The following THSD7B variants were observed in gnomAD, a reference collection of about 807,000 sequenced individuals.
THSD7B encodes thrombospondin type 1 domain containing 7B.
A neutral mutation model predicts 213.6 loss-of-function variants in THSD7B; 138 were observed. That is an observed-to-expected ratio of 0.65 (90% CI 0.56 to 0.74). The LOEUF is 0.74. Ranked by LOEUF, THSD7B falls within the 30% of genes least tolerant of loss-of-function variation. The pLI, the probability that THSD7B is intolerant of heterozygous loss-of-function variation, is 0.00. For synonymous variants in THSD7B, 742 were observed against 687.0 expected (o/e 1.08, Z -1.25); for missense variants, 1,931 against 1,991.5 (o/e 0.97, Z 0.58).
At chr2:136,984,461 C>T (rs1685637363) in intron 2 of THSD7B, among the ~76,000 whole-genome samples, 1 of 152,198 alleles carries the variant, frequency 6.6e-6, no homozygotes, top group African/African-American at 2.4e-5. Flanking sequence ...CTTGCTCCTG[C>T]TCTCACCATG....
intron 2 of THSD7B, among the ~76,000 whole-genome samples, chr2:136,888,944 G>GGT (rs5834520): frequency 0.12 from 8,981 of 72,774 alleles, 467 homozygotes; most frequent in African/African-American, 0.21. Flanking sequence ...TGTCTTTTGG[G>GGT]GTGTGTGTGT....
intron 1 of THSD7B, among the ~76,000 whole-genome samples, chr2:136,877,587 A>G (rs1335879532): frequency 6.6e-6 from 1 of 152,192 alleles, no homozygotes; most frequent in Non-Finnish European, 1.5e-5. Context: ...GCAGGCTGTC[A>G]GAGAGCTGTG....
intron 12 of THSD7B, among the ~76,000 whole-genome samples, chr2:137,385,720 T>C (rs1392512136): frequency 6.6e-6 from 1 of 152,150 alleles, no homozygotes; most frequent in African/African-American, 2.4e-5. Context: ...AGAATCAAGC[T>C]GGGAGTGAGA....
intron 5 of THSD7B, among the ~76,000 whole-genome samples, chr2:137,131,233 T>C (rs917141323): frequency 2.0e-5 from 3 of 150,616 alleles, no homozygotes; most frequent in Non-Finnish European, 4.4e-5. Flanking sequence ...GTTGTTTGTT[T>C]TTTTCTTGTA....
intron 10 of THSD7B, among the ~76,000 whole-genome samples, chr2:137,256,295 G>A (rs1682307611): frequency 6.6e-6 from 1 of 152,168 alleles, no homozygotes; most frequent in Middle Eastern, 3.2e-3. Flanking sequence ...TTATCACGGA[G>A]CACTTAAATA....
chr2:137,013,867 T>C (rs1269750123), intron 2 of THSD7B, among the ~76,000 whole-genome samples: 1 of 152,118 alleles, frequency 6.6e-6, no homozygotes, highest in Admixed American at 6.5e-5. Context: ...TCCCTTCGAG[T>C]AAGTGCTGAA....
At chr2:136,865,098 C>G (rs1683313314) in intron 1 of THSD7B, among the ~76,000 whole-genome samples, 1 of 152,168 alleles carries the variant, frequency 6.6e-6, no homozygotes. Context: ...GTCCAAATCC[C>G]CTTTACCTGG....
At chr2:137,036,853 A>G (rs1329451763) in intron 2 of THSD7B, among the ~76,000 whole-genome samples, 1 of 152,174 alleles carries the variant, frequency 6.6e-6, no homozygotes, top group African/African-American at 2.4e-5. Flanking sequence ...TTCTCTGTCC[A>G]CTTATGTCTC....
In THSD7B at chr2:136,901,435, A is replaced by G. The variant is rs150454694; in HGVS notation, c.139+19118A>G. Among the ~76,000 whole-genome samples the G allele has an allele frequency of 1.9e-3, 295 of 152,356 alleles. 1 individual carries two copies. The highest frequency in any genetic ancestry group is 6.8e-3 in the African/African-American group (281 of 41,586). ...TCCTTAATACTTCCAATTTTTTAAA[A>G]GCTCTAGAATATTATCTGAGAAAGC... On this transcript the variant is annotated intron_variant, in intron 2 of 27. Coordinates refer to ENST00000409968, the MANE Select transcript of THSD7B (RefSeq NM_001316349.2).
intron 1 of THSD7B, among the ~76,000 whole-genome samples, chr2:136,776,053 A>G (rs569193888): frequency 2.6e-4 from 40 of 152,124 alleles, no homozygotes; most frequent in Non-Finnish European, 1.9e-4. Context: ...GTGCACAATG[A>G]TATCCAAGAA....
At chr2:137,464,990 A>G (rs1687963958) in intron 15 of THSD7B, among the ~76,000 whole-genome samples, 1 of 152,116 alleles carries the variant, frequency 6.6e-6, no homozygotes, top group African/African-American at 2.4e-5. Context: ...ATGTTGAATC[A>G]AGATTATTGC....
At chr2:137,439,359 T>C (rs986742555) in intron 14 of THSD7B, among the ~76,000 whole-genome samples, 1 of 152,100 alleles carries the variant, frequency 6.6e-6, no homozygotes, top group Non-Finnish European at 1.5e-5. Flanking sequence ...TCTTGAGACT[T>C]CTATTAGTAT....
intron 2 of THSD7B, among the ~76,000 whole-genome samples, chr2:136,925,906 T>C (rs955705567): frequency 1.3e-5 from 2 of 152,180 alleles, no homozygotes; most frequent in African/African-American, 2.4e-5. Context: ...TCTTTCCTCC[T>C]AAACACACAT....
At position 137,056,602 on chromosome 2, in the gene THSD7B, G is replaced by T. The variant is rs747634114; in HGVS notation, c.322G>T (p.Val108Phe). ...GCACAGTGACCTCTTTCAGTGGGAG[G>T]TTTCTGACTGGCACCACTGTGTGCT... The part of the protein sequence containing the change: ...DWHSDLFQWE[V>F]SDWHHCVLVP... Residue 108 changes from valine (V) to phenylalanine (F), a missense_variant, in exon 3 of 28, where the codon GTT (valine) becomes TTT (phenylalanine). Val to Phe is a conservative substitution (Grantham distance 50). Transcript: ENST00000409968. The T allele has an allele frequency of 5.6e-6, 9 of 1,613,816 alleles. No individual in the cohort carries two copies. The East Asian group carries it at 1.6e-4, about 28-fold the overall frequency.
intron 5 of THSD7B, among the ~76,000 whole-genome samples, chr2:137,131,335 C>T (rs534771106): frequency 1.9e-4 from 29 of 152,104 alleles, no homozygotes; most frequent in Admixed American, 1.2e-3. Context: ...AGGTTGCCTG[C>T]TCACTCTGAT....
intron 11 of THSD7B, among the ~76,000 whole-genome samples, chr2:137,275,203 T>C (rs112137285): frequency 6.7e-4 from 102 of 152,224 alleles, no homozygotes; most frequent in African/African-American, 2.3e-3. Context: ...CCTTCAAGAC[T>C]GTATCCTCTG....
chr2:137,403,594 A>G (rs1686425008), intron 12 of THSD7B, among the ~76,000 whole-genome samples: 1 of 152,226 alleles, frequency 6.6e-6, no homozygotes, highest in Admixed American at 6.5e-5. Flanking sequence ...GCATCATGCC[A>G]AATATGGGTA....
At chr2:137,017,717 A>G (rs1237062168) in intron 2 of THSD7B, among the ~76,000 whole-genome samples, 2 of 152,138 alleles carry the variant, frequency 1.3e-5, no homozygotes, top group African/African-American at 4.8e-5. Context: ...GGAATCTCCC[A>G]TCAGTGCCAT....
intron 11 of THSD7B, 31 bp downstream of exon 11, chr2:137,272,693 G>C (rs1399941538): frequency 6.2e-7 from 1 of 1,602,078 alleles, no homozygotes; most frequent in South Asian, 1.1e-5. Flanking sequence ...ATTATCGTTA[G>C]ACCTACTGTA....
Sources: allele counts gnomAD v4.1 joint callset (sites outside exome capture counted in the v4.1 genomes callset), GRCh38; gene constraint gnomAD v4.1.1; transcripts MANE v1.5; gene names NCBI Gene and HGNC (gene_info 2026-07-23, HGNC 2026-07-21).